Variants in SMAD1 observed in about 807,000 individuals in gnomAD.
SMAD1 encodes the protein MAD, mothers against decapentaplegic homolog 1.
A neutral mutation model predicts 41.6 loss-of-function variants in SMAD1; 6 were observed. The ratio of observed to expected loss-of-function variants is 0.14; its 90% CI spans 0.08 to 0.28. SMAD1 has a LOEUF of 0.28. SMAD1 is among the 10% of genes least tolerant of loss of function. The pLI is 1.00. For synonymous variants in SMAD1, 206 were observed against 203.2 expected (o/e 1.01, Z -0.12); for missense variants, 379 against 582.6 (o/e 0.65, Z 3.60).
In SMAD1 at chr4:145,489,160, G is replaced by T. The variant is rs1193994766; in HGVS notation, c.-177+7122G>T. ...ATTTATGTTTCAGTAGCCACATGTG[G>T]TTATCATATCAAATAGCACAGATCC... On this transcript the variant is annotated intron_variant, in intron 1 of 6. Transcript: ENST00000302085. Among the ~76,000 whole-genome samples the T allele has an allele frequency of 2.0e-5, 3 of 152,222 alleles. No homozygotes were observed. The East Asian group carries it at 5.8e-4, about 29-fold the overall frequency.
chr4:145,540,909 C>T (rs1231598872), intron 3 of SMAD1, among the ~76,000 whole-genome samples: 1 of 152,126 alleles, frequency 6.6e-6, no homozygotes, highest in African/African-American at 2.4e-5. Flanking sequence ...AACATCAGTG[C>T]TAGGCCTTCA....
At chr4:145,533,734 A>T (rs1300595566) in intron 2 of SMAD1, among the ~76,000 whole-genome samples, 5 of 152,238 alleles carry the variant, frequency 3.3e-5, no homozygotes, top group African/African-American at 9.6e-5. Context: ...AAAGCAAATA[A>T]GGAAGTTTTT....
At chr4:145,546,997 C>A in intron 5 of SMAD1, 73 bp downstream of exon 5, 1 of 1,168,134 alleles carries the variant, frequency 8.6e-7, no homozygotes, top group South Asian at 1.2e-5. Context: ...GACTTAAAAT[C>A]ATTCCTGTAA....
intron 3 of SMAD1, among the ~76,000 whole-genome samples, chr4:145,540,834 G>A (rs1731887685): frequency 6.6e-6 from 1 of 151,926 alleles, no homozygotes; most frequent in Non-Finnish European, 1.5e-5. Context: ...GTTTTCGGAA[G>A]GGAAAATGAC....
At chr4:145,552,892 A>ATGTTGT (rs111591261) in intron 5 of SMAD1, among the ~76,000 whole-genome samples, 30 of 151,088 alleles carry the variant, frequency 2.0e-4, no homozygotes, top group African/African-American at 6.1e-4. Context: ...AAATTGCTAC[A>ATGTTGT]TGTTGTTGTT....
Position 145,521,900 on chromosome 4 carries a change from TAAAA to T in SMAD1, c.400+6902_400+6905del, listed in dbSNP as rs10713518. Among the ~76,000 whole-genome samples, 8 of 124,058 alleles carry T rather than the reference TAAAA, an allele frequency of 6.4e-5. No individual in the cohort carries two copies. The East Asian group carries it at 6.8e-4, about 11-fold the overall frequency. 81.4% of individuals were successfully genotyped at this position (124,058 alleles called of 152,430 possible). ...CCTTGATTTAACAAATGGTTTTCTGTAAAAAAAAAAAAAAAAAAGCAGCTAGTTC... is the reference window on the plus strand; with the variant it reads ...CCTTGATTTAACAAATGGTTTTCTGTAAAAAAAAAAAAAAGCAGCTAGTTC... On this transcript the variant is annotated intron_variant, in intron 2 of 6. Transcript: ENST00000302085.
At chr4:145,499,957 A>G (rs1729334689) in intron 1 of SMAD1, among the ~76,000 whole-genome samples, 1 of 152,212 alleles carries the variant, frequency 6.6e-6, no homozygotes, top group Non-Finnish European at 1.5e-5. Context: ...TCAGTCTTAC[A>G]GTTCCCATAA....
At chr4:145,522,868 C>CG (rs1453203191) in intron 2 of SMAD1, among the ~76,000 whole-genome samples, 1 of 151,636 alleles carries the variant, frequency 6.6e-6, no homozygotes, top group African/African-American at 2.4e-5. Context: ...TTAGTAGAGA[C>CG]GGGGTTTCTC....
chr4:145,511,580 T>A (rs1440438179), intron 1 of SMAD1, among the ~76,000 whole-genome samples: 1 of 152,226 alleles, frequency 6.6e-6, no homozygotes, highest in Non-Finnish European at 1.5e-5. Context: ...TCCATATTTT[T>A]AACCCATCTA....
chr4:145,515,377 A>G (rs1410420602), intron 2 of SMAD1, among the ~76,000 whole-genome samples: 2 of 152,164 alleles, frequency 1.3e-5, no homozygotes, highest in African/African-American at 4.8e-5. Flanking sequence ...TCTAGATAAA[A>G]TTAGCTATGA....
chr4:145,511,928 T>A (rs188243242), intron 1 of SMAD1, among the ~76,000 whole-genome samples: 1 of 152,224 alleles, frequency 6.6e-6, no homozygotes, highest in Non-Finnish European at 1.5e-5. Flanking sequence ...CCTGTTAGTA[T>A]TTCTTTTAGT....
intron 1 of SMAD1, among the ~76,000 whole-genome samples, chr4:145,499,562 A>G (rs979788910): frequency 1.1e-4 from 17 of 152,160 alleles, no homozygotes; most frequent in Non-Finnish European, 1.2e-4. Flanking sequence ...TCTAGGCTGC[A>G]GTGAGCCATG....
intron 1 of SMAD1, among the ~76,000 whole-genome samples, chr4:145,506,662 A>G (rs751681351): frequency 2.6e-5 from 4 of 152,086 alleles, no homozygotes; most frequent in Admixed American, 6.5e-5. Flanking sequence ...AAAAACAATT[A>G]TATCTTCATA....
Position 145,501,052 on chromosome 4 carries a change from C to G in SMAD1, c.-176-13386C>G, listed in dbSNP as rs979408276. On this transcript the variant is annotated intron_variant, in intron 1 of 6. Coordinates refer to ENST00000302085, the MANE Select transcript of SMAD1 (RefSeq NM_005900.3). ...GACACTTGTTTTCTAATTTAGAAACCATCTTAAAATGACAAAAAAGTAGGT... is the reference window on the plus strand; with the variant it reads ...GACACTTGTTTTCTAATTTAGAAACGATCTTAAAATGACAAAAAAGTAGGT... 7.9e-5 allele frequency among the ~76,000 whole-genome samples: 12 copies of G among 152,090 alleles called. No homozygotes were observed. In the South Asian group the frequency reaches 1.5e-3, roughly 18 times the overall value.
At chr4:145,553,029 G>A (rs1732636127) in intron 5 of SMAD1, among the ~76,000 whole-genome samples, 1 of 151,256 alleles carries the variant, frequency 6.6e-6, no homozygotes, top group Non-Finnish European at 1.5e-5. Flanking sequence ...CTCAGCCTCT[G>A]TGTAACTGGG....
At chr4:145,515,117 A>G in intron 2 of SMAD1, 104 bp downstream of exon 2, 2 of 1,190,112 alleles carry the variant, frequency 1.7e-6, no homozygotes, top group South Asian at 3.1e-5. Flanking sequence ...GTTGTAATTT[A>G]AAAATATTTG....
intron 2 of SMAD1, among the ~76,000 whole-genome samples, chr4:145,536,210 A>G (rs998126509): frequency 5.9e-5 from 9 of 152,276 alleles, no homozygotes; most frequent in African/African-American, 2.2e-4. Flanking sequence ...ATGTAACAGC[A>G]TAACCCAATT....
intron 3 of SMAD1, among the ~76,000 whole-genome samples, chr4:145,541,637 T>C (rs1731941489): frequency 6.6e-6 from 1 of 152,230 alleles, no homozygotes; most frequent in Non-Finnish European, 1.5e-5. Flanking sequence ...GTGATTCAGC[T>C]GGAGAGTGAG....
At chr4:145,502,006 G>T (rs996306831) in intron 1 of SMAD1, among the ~76,000 whole-genome samples, 10 of 152,048 alleles carry the variant, frequency 6.6e-5, no homozygotes, top group Admixed American at 6.6e-4. Flanking sequence ...AGCCACTTAC[G>T]GAAATCTACC....
Sources: gnomAD v4.1 joint callset for allele counts (sites outside exome capture counted in the v4.1 genomes callset) on GRCh38, gnomAD v4.1.1 for gene constraint, MANE v1.5 for transcripts, NCBI Gene and HGNC (gene_info 2026-07-23, HGNC 2026-07-21) for gene names.